STXBP5L: variants seen among roughly 807,000 people sequenced by gnomAD.
STXBP5L encodes syntaxin-binding protein 5-like.
A neutral mutation model predicts 144.5 loss-of-function variants in STXBP5L; 65 were observed. The observed-to-expected ratio is 0.45, with a 90% CI of 0.37 to 0.55. The LOEUF (loss-of-function observed/expected upper bound fraction) is 0.55. STXBP5L is among the 20% of genes least tolerant of loss of function. The pLI is 0.00. For synonymous variants in STXBP5L, 505 were observed against 469.6 expected (o/e 1.08, Z -0.97); for missense variants, 1,298 against 1,405.5 (o/e 0.92, Z 1.22).
chr3:121,005,951 T>C (rs901845941), intron 3 of STXBP5L, among the ~76,000 whole-genome samples: 2 of 152,230 alleles, frequency 1.3e-5, no homozygotes, highest in African/African-American at 4.8e-5. Flanking sequence ...TTACATTTGC[T>C]GAGGAGTGCT....
At chr3:120,912,359 A>C (rs1003232325) in intron 2 of STXBP5L, among the ~76,000 whole-genome samples, 1 of 152,048 alleles carries the variant, frequency 6.6e-6, no homozygotes, top group Admixed American at 6.5e-5. Flanking sequence ...CACAGTAAAT[A>C]ACATCTATTC....
chr3:121,334,274 A>T (rs2044425118), intron 20 of STXBP5L, among the ~76,000 whole-genome samples: 1 of 152,144 alleles, frequency 6.6e-6, no homozygotes, highest in African/African-American at 2.4e-5. Context: ...CAACCAGAAA[A>T]GTCCAGGTCC....
At chr3:121,290,423 C>CA (rs1379071261) in intron 19 of STXBP5L, among the ~76,000 whole-genome samples, 3 of 151,452 alleles carry the variant, frequency 2.0e-5, no homozygotes, top group African/African-American at 7.3e-5. Context: ...AAATTGCCAA[C>CA]AACAAAAAAA....
At chr3:121,404,415 T>A (rs2046951376) in intron 22 of STXBP5L, among the ~76,000 whole-genome samples, 2 of 152,152 alleles carry the variant, frequency 1.3e-5, no homozygotes, top group South Asian at 4.1e-4. Context: ...TCTCCCTGCT[T>A]CCAGCCTTGG....
At chr3:121,004,184 A>C (rs1265306986) in intron 3 of STXBP5L, among the ~76,000 whole-genome samples, 1 of 152,204 alleles carries the variant, frequency 6.6e-6, no homozygotes, top group African/African-American at 2.4e-5. Flanking sequence ...ACCCATGATC[A>C]TGGAATGTTC....
chr3:121,105,418 A>T (rs1401521979), intron 5 of STXBP5L, among the ~76,000 whole-genome samples: 4 of 152,022 alleles, frequency 2.6e-5, no homozygotes, highest in Non-Finnish European at 5.9e-5. Context: ...AAATAAATAA[A>T]TAAAAAGATG....
At chr3:121,210,359 A>C (rs1360155047) in intron 10 of STXBP5L, among the ~76,000 whole-genome samples, 2 of 151,664 alleles carry the variant, frequency 1.3e-5, no homozygotes, top group Non-Finnish European at 2.9e-5. Flanking sequence ...GATTGCAAAA[A>C]TTTTCTCCCA....
At chr3:121,156,325 T>C (rs988834900) in intron 8 of STXBP5L, among the ~76,000 whole-genome samples, 6 of 151,996 alleles carry the variant, frequency 3.9e-5, no homozygotes, top group African/African-American at 1.4e-4. Context: ...TGTATGTGTC[T>C]GTGTGTGAAG....
chr3:121,077,138 C>G (rs1372629879), intron 5 of STXBP5L, among the ~76,000 whole-genome samples: 2 of 152,144 alleles, frequency 1.3e-5, no homozygotes, highest in Non-Finnish European at 2.9e-5. Context: ...CCTTTCTGAC[C>G]AATTCACGAG....
chr3:120,953,698 C>A (rs1346353364), intron 2 of STXBP5L, among the ~76,000 whole-genome samples: 2 of 151,874 alleles, frequency 1.3e-5, no homozygotes, highest in Admixed American at 1.3e-4. Context: ...TTTATTAGTT[C>A]TAATAATTTT....
chr3:121,295,055 G>A (rs1273914966), intron 19 of STXBP5L, among the ~76,000 whole-genome samples: 1 of 152,126 alleles, frequency 6.6e-6, no homozygotes, highest in Non-Finnish European at 1.5e-5. Context: ...CTGAAAAATA[G>A]ATTAATACCT....
intron 20 of STXBP5L, among the ~76,000 whole-genome samples, chr3:121,324,900 G>A (rs1030143061): frequency 2.0e-5 from 3 of 152,090 alleles, no homozygotes; most frequent in Non-Finnish European, 2.9e-5. Flanking sequence ...CGCGGGTACG[G>A]TCAATAGAGA....
At chr3:121,172,179 A>G (rs2046748423) in intron 9 of STXBP5L, among the ~76,000 whole-genome samples, 1 of 152,228 alleles carries the variant, frequency 6.6e-6, no homozygotes, top group Non-Finnish European at 1.5e-5. Context: ...TTGTACAAAA[A>G]TTAACTCAAG....
chr3:120,944,300 A>C (rs1710730158), intron 2 of STXBP5L, among the ~76,000 whole-genome samples: 2 of 151,658 alleles, frequency 1.3e-5, no homozygotes, highest in South Asian at 4.1e-4. Context: ...GCATCTGGGA[A>C]GTAGGAAATG....
chr3:121,029,850 AT>A (rs1262738348), intron 3 of STXBP5L, among the ~76,000 whole-genome samples: 1 of 151,984 alleles, frequency 6.6e-6, no homozygotes, highest in Non-Finnish European at 1.5e-5. Context: ...AAAAAACCCC[AT>A]GAAAAAGTGG....
intron 23 of STXBP5L, among the ~76,000 whole-genome samples, chr3:121,412,727 C>CAAAAAAAAAA (rs35247157): frequency 2.3e-4 from 16 of 69,586 alleles, no homozygotes; most frequent in African/African-American, 3.0e-4. Flanking sequence ...TTTCTCCCTC[C>CAAAAAAAAAA]AAAAAAAAAA....
intron 22 of STXBP5L, among the ~76,000 whole-genome samples, chr3:121,387,374 C>G (rs2046452127): frequency 6.6e-6 from 1 of 152,096 alleles, no homozygotes; most frequent in African/African-American, 2.4e-5. Context: ...ACTCTGATGG[C>G]AGTTGCTTTG....
chr3:120,978,206 T>C (rs1483690299), intron 3 of STXBP5L, among the ~76,000 whole-genome samples: 1 of 152,266 alleles, frequency 6.6e-6, no homozygotes, highest in Non-Finnish European at 1.5e-5. Context: ...TTCCGTCTTT[T>C]CACCTAGTCC....
chr3:121,409,525 A>C (rs2047070741), intron 23 of STXBP5L, among the ~76,000 whole-genome samples: 2 of 151,898 alleles, frequency 1.3e-5, no homozygotes, highest in African/African-American at 4.8e-5. Flanking sequence ...GCAGTGGTAT[A>C]GATCAGGGTT....
Sources: allele counts gnomAD v4.1 joint callset (sites outside exome capture counted in the v4.1 genomes callset), GRCh38; gene constraint gnomAD v4.1.1; transcripts MANE v1.5; gene names NCBI Gene and HGNC (gene_info 2026-07-23, HGNC 2026-07-21).